The following ZNF804B variants were observed in gnomAD, a reference collection of about 807,000 sequenced individuals.
ZNF804B encodes the protein zinc finger 804B.
Under a neutral mutation model 101.4 loss-of-function variants are expected in ZNF804B, and 80 were observed. The observed-to-expected ratio is 0.79, with a 90% CI of 0.66 to 0.95. The LOEUF (loss-of-function observed/expected upper bound fraction) is 0.95, where lower values mean the gene tolerates loss of function less well. ZNF804B is among the 40% of genes least tolerant of loss of function. The probability of loss-of-function intolerance (pLI) is 0.00; values close to 1 mark genes in which losing one functional copy is unlikely to be tolerated. For synonymous variants in ZNF804B, 622 were observed against 558.8 expected, an observed-to-expected ratio of 1.11 and a Z score of -1.59; for missense variants, 1,673 against 1,561.9, an observed-to-expected ratio of 1.07 and a Z score of -1.20.
At chr7:89,000,162 G>T (rs1237956651) in intron 1 of ZNF804B, among the ~76,000 whole-genome samples, 4 of 151,902 alleles carry the variant, frequency 2.6e-5, no homozygotes, top group African/African-American at 9.7e-5. Context: ...CCTTTAACTG[G>T]TTCTGTCCTA....
rs556019270 is a variant in ZNF804B at position 88,768,535 on chromosome 7, T to C, written c.108+8451T>C. Among the ~76,000 whole-genome samples the C allele has an allele frequency of 3.9e-5, 6 of 152,250 alleles. No homozygotes were observed. In the South Asian group the frequency reaches 1.2e-3, roughly 32 times the overall value. On this transcript the variant is annotated intron_variant, in intron 1 of 3. Coordinates refer to ENST00000333190, the MANE Select transcript of ZNF804B (RefSeq NM_181646.5). Reference sequence around the variant, plus strand: ...GAGTTTGAGATCAACCTGGGCAAGATGGCAAAACCCATCTCTACTAAAAAT... The same window carrying C: ...GAGTTTGAGATCAACCTGGGCAAGACGGCAAAACCCATCTCTACTAAAAAT...
intron 1 of ZNF804B, among the ~76,000 whole-genome samples, chr7:89,121,092 G>A (rs1790398204): frequency 6.6e-6 from 1 of 152,296 alleles, no homozygotes; most frequent in African/African-American, 2.4e-5. Flanking sequence ...CTGAGAGGTA[G>A]ACCAGGTGAT....
intron 1 of ZNF804B, among the ~76,000 whole-genome samples, chr7:89,124,218 A>G (rs1790446057): frequency 6.8e-6 from 1 of 147,690 alleles, no homozygotes; most frequent in African/African-American, 2.5e-5. Flanking sequence ...ACAGCACATC[A>G]TAAATCCCAC....
At chr7:89,284,054 G>T (rs148390444) in intron 2 of ZNF804B, among the ~76,000 whole-genome samples, 1 of 152,082 alleles carries the variant, frequency 6.6e-6, no homozygotes, top group Admixed American at 6.5e-5. Context: ...TTATCAAAAT[G>T]TACACACACA....
intron 1 of ZNF804B, among the ~76,000 whole-genome samples, chr7:89,143,870 C>T (rs150868836): frequency 2.0e-5 from 3 of 151,822 alleles, no homozygotes; most frequent in African/African-American, 7.2e-5. Flanking sequence ...TTTTGAAAAC[C>T]CCTTGTATCA....
At chr7:89,042,737 A>G (rs1162740484) in intron 1 of ZNF804B, among the ~76,000 whole-genome samples, 1 of 152,162 alleles carries the variant, frequency 6.6e-6, no homozygotes, top group African/African-American at 2.4e-5. Context: ...CTTATCCGAG[A>G]TTCTACCAGT....
At chr7:89,327,992 C>A (rs1399309201) in intron 3 of ZNF804B, among the ~76,000 whole-genome samples, 1 of 151,942 alleles carries the variant, frequency 6.6e-6, no homozygotes, top group Admixed American at 6.6e-5. Context: ...CTAATACATT[C>A]TTGTAGCTGA....
At position 89,005,182 on chromosome 7, in the gene ZNF804B, A is replaced by G. The variant is rs114255411; in HGVS notation, c.109-212973A>G. 5.5e-3 allele frequency among the ~76,000 whole-genome samples: 844 copies of G among 152,170 alleles called. 5 individuals are homozygous for G. Among genetic ancestry groups the G allele is most frequent in the African/African-American group, 0.019 (807 of 41,570 alleles). On this transcript the variant is annotated intron_variant, in intron 1 of 3. Coordinates refer to ENST00000333190, the MANE Select transcript of ZNF804B (RefSeq NM_181646.5). Reference sequence around the variant, plus strand: ...AAACATTTATTCTTTCAGAGACTGTAGATCTCAAAGTGAATATAAAAATAT... The same window carrying G: ...AAACATTTATTCTTTCAGAGACTGTGGATCTCAAAGTGAATATAAAAATAT...
intron 1 of ZNF804B, among the ~76,000 whole-genome samples, chr7:89,071,793 C>CACACACACACACACACACACACAT (rs1277924400): frequency 6.6e-6 from 1 of 151,896 alleles, no homozygotes; most frequent in African/African-American, 2.4e-5. Flanking sequence ...CACACACACA[C>CACACACACACACACACACACACAT]ACACACACAC....
intron 2 of ZNF804B, among the ~76,000 whole-genome samples, chr7:89,304,540 T>G (rs151132521): frequency 0.016 from 2,428 of 151,838 alleles, 28 homozygotes; most frequent in Non-Finnish European, 0.023. Flanking sequence ...TGTGTGTGTG[T>G]GTATGTGTGT....
chr7:88,924,359 A>G (rs563043000), intron 1 of ZNF804B, among the ~76,000 whole-genome samples: 4 of 152,110 alleles, frequency 2.6e-5, no homozygotes, highest in African/African-American at 7.2e-5. Context: ...TTTCTTTGAC[A>G]TATTAGGTTT....
At chr7:89,152,035 A>G (rs1790885424) in intron 1 of ZNF804B, among the ~76,000 whole-genome samples, 1 of 152,146 alleles carries the variant, frequency 6.6e-6, no homozygotes. Flanking sequence ...ATGTGTTAAC[A>G]TATGAATAGA....
chr7:88,863,379 T>C (rs553486007), intron 1 of ZNF804B, among the ~76,000 whole-genome samples: 81 of 152,312 alleles, frequency 5.3e-4, no homozygotes, highest in African/African-American at 1.9e-3. Context: ...ATCAATCTGT[T>C]TTTGCCATTT....
intron 1 of ZNF804B, among the ~76,000 whole-genome samples, chr7:89,019,118 T>A (rs1396925079): frequency 6.6e-6 from 1 of 152,070 alleles, no homozygotes; most frequent in African/African-American, 2.4e-5. Flanking sequence ...CAGGCATTTA[T>A]TGCTATAAAC....
intron 2 of ZNF804B, among the ~76,000 whole-genome samples, chr7:89,239,451 C>T (rs1207946456): frequency 1.3e-5 from 2 of 152,062 alleles, no homozygotes; most frequent in Non-Finnish European, 2.9e-5. Context: ...GGTTTTCAGC[C>T]CTTCATATGT....
At chr7:88,859,388 C>T (rs760054540) in intron 1 of ZNF804B, among the ~76,000 whole-genome samples, 8 of 151,916 alleles carry the variant, frequency 5.3e-5, no homozygotes, top group Non-Finnish European at 1.2e-4. Flanking sequence ...AATAAAAGGG[C>T]ACAAGCTTTT....
At chr7:88,837,163 T>C (rs1791225493) in intron 1 of ZNF804B, among the ~76,000 whole-genome samples, 1 of 151,930 alleles carries the variant, frequency 6.6e-6, no homozygotes, top group Non-Finnish European at 1.5e-5. Context: ...TGGTACACAA[T>C]ATATTTTTTT....
chr7:89,008,794 T>A (rs1487571587), intron 1 of ZNF804B, among the ~76,000 whole-genome samples: 2 of 152,168 alleles, frequency 1.3e-5, no homozygotes, highest in Admixed American at 6.6e-5. Flanking sequence ...TCCTTTCACT[T>A]TCAAGTAGAC....
At chr7:89,029,049 T>C (rs561459423) in intron 1 of ZNF804B, among the ~76,000 whole-genome samples, 7 of 152,186 alleles carry the variant, frequency 4.6e-5, no homozygotes, top group Non-Finnish European at 8.8e-5. Flanking sequence ...ACATAAGTGC[T>C]TATGAACAAA....
Sources: gnomAD v4.1 joint callset for allele counts (sites outside exome capture counted in the v4.1 genomes callset) on GRCh38, gnomAD v4.1.1 for gene constraint, MANE v1.5 for transcripts, NCBI Gene and HGNC (gene_info 2026-07-23, HGNC 2026-07-21) for gene names.